CNNM2: variants seen among roughly 807,000 people sequenced by gnomAD.
The protein encoded by CNNM2 is metal transporter CNNM2.
Under a neutral mutation model 66.9 loss-of-function variants are expected in CNNM2, and 12 were observed. That is an observed-to-expected ratio of 0.18 (90% confidence interval 0.11 to 0.29). CNNM2 has a LOEUF of 0.29. Ranked by LOEUF, CNNM2 falls within the 10% of genes least tolerant of loss-of-function variation. The pLI is 1.00. For synonymous variants in CNNM2, 557 were observed against 501.8 expected (o/e 1.11, Z -1.47); for missense variants, 705 against 1,167.7 (o/e 0.60, Z 5.77).
intron 6 of CNNM2, among the ~76,000 whole-genome samples, chr10:103,072,895 G>A (rs1009261447): frequency 1.3e-5 from 2 of 152,208 alleles, no homozygotes; most frequent in African/African-American, 4.8e-5. Context: ...GACTAGGGCC[G>A]CCCCAGAATT....
intron 1 of CNNM2, among the ~76,000 whole-genome samples, chr10:102,946,606 C>T (rs966876690): frequency 1.3e-5 from 2 of 152,084 alleles, no homozygotes; most frequent in African/African-American, 2.4e-5. Context: ...TGTGCAACTC[C>T]TTTGAGCCCA....
intron 1 of CNNM2, among the ~76,000 whole-genome samples, chr10:103,021,820 T>C (rs1480031773): frequency 6.6e-6 from 1 of 152,184 alleles, no homozygotes; most frequent in Non-Finnish European, 1.5e-5. Flanking sequence ...TTCTAGCAAA[T>C]TTTTGAGAAA....
intron 1 of CNNM2, among the ~76,000 whole-genome samples, chr10:102,989,100 C>A (rs1429393503): frequency 6.6e-6 from 1 of 152,156 alleles, no homozygotes; most frequent in Non-Finnish European, 1.5e-5. Flanking sequence ...GATTACAATT[C>A]TAAATATTTA....
chr10:103,036,841 AG>A, intron 1 of CNNM2, among the ~76,000 whole-genome samples: 1 of 152,344 alleles, frequency 6.6e-6, no homozygotes, highest in Admixed American at 6.5e-5. Context: ...TAGAAAACTA[AG>A]GCCTTATTTT....
intron 1 of CNNM2, among the ~76,000 whole-genome samples, chr10:102,920,676 G>A (rs1845596227): frequency 6.8e-6 from 1 of 146,764 alleles, no homozygotes; most frequent in Non-Finnish European, 1.5e-5. Context: ...TTGAGGGTAA[G>A]GGGTGGGGTA....
At chr10:103,071,485 A>G (rs1375564037) in intron 5 of CNNM2, among the ~76,000 whole-genome samples, 1 of 152,184 alleles carries the variant, frequency 6.6e-6, no homozygotes, top group Admixed American at 6.5e-5. Flanking sequence ...CCTTAAGAGT[A>G]GCAGGTTTCG....
chr10:103,076,045 C>A, intron 6 of CNNM2, 41 bp from the exon 7 acceptor site: 1 of 1,544,662 alleles, frequency 6.5e-7, no homozygotes, highest in Non-Finnish European at 8.8e-7. Flanking sequence ...TTGGCTGTAT[C>A]TACTTCACTT....
At chr10:102,927,504 A>G (rs1845912120) in intron 1 of CNNM2, 9 of 1,558,050 alleles carry the variant, frequency 5.8e-6, no homozygotes, top group Non-Finnish European at 7.8e-6. Context: ...TCATGCCTGT[A>G]ATCCCGGCAC....
chr10:103,070,411 C>A (rs1199399974), intron 5 of CNNM2, among the ~76,000 whole-genome samples: 1 of 152,176 alleles, frequency 6.6e-6, no homozygotes, highest in East Asian at 1.9e-4. Flanking sequence ...GATCCTCACA[C>A]AAGTGCTTCG....
intron 1 of CNNM2, among the ~76,000 whole-genome samples, chr10:103,038,586 C>A (rs529658191): frequency 6.6e-6 from 1 of 152,206 alleles, no homozygotes; most frequent in Admixed American, 6.5e-5. Context: ...AAATAAACCT[C>A]TACCCTCACC....
At chr10:103,009,390 T>C (rs2064292964) in intron 1 of CNNM2, among the ~76,000 whole-genome samples, 1 of 152,196 alleles carries the variant, frequency 6.6e-6, no homozygotes, top group African/African-American at 2.4e-5. Context: ...AGAAAAATTT[T>C]GCTCAATAAC....
chr10:103,005,012 A>T (rs1291480653), intron 1 of CNNM2, among the ~76,000 whole-genome samples: 10 of 152,076 alleles, frequency 6.6e-5, no homozygotes, highest in Non-Finnish European at 1.2e-4. Context: ...CTCCAGGTTA[A>T]AGTGATTCTC....
At chr10:103,055,581 C>CT (rs1158363011) in intron 3 of CNNM2, among the ~76,000 whole-genome samples, 1 of 152,188 alleles carries the variant, frequency 6.6e-6, no homozygotes, top group Non-Finnish European at 1.5e-5. Context: ...GAATGGTAAT[C>CT]TGAGTGGTTG....
Position 103,088,630 on chromosome 10 carries a change from G to A in CNNM2, c.*11450G>A, listed in dbSNP as rs757595265. 2.6e-4 allele frequency: 43 copies of A among 165,976 alleles called. No homozygotes were observed. Among genetic ancestry groups the A allele is most frequent in the Non-Finnish European group, 3.9e-4 (30 of 76,074 alleles). 10.3% of individuals were successfully genotyped at this position (165,976 alleles called of 1,614,324 possible). On this transcript the variant is annotated 3_prime_UTR_variant, in exon 8 of 8. Transcript: ENST00000369878. The stretch of plus-strand genomic sequence containing the variant: ...TCGAACTCCCGACCTCAGGTGATCC[G>A]CCTGTCTCGGCCTCCCAAAGTGCTG...
intron 1 of CNNM2, among the ~76,000 whole-genome samples, chr10:103,001,077 C>T (rs752166565): frequency 5.3e-5 from 8 of 152,084 alleles, no homozygotes; most frequent in Middle Eastern, 3.4e-3. Context: ...TGAAATAAGC[C>T]GGTCACAAAA....
At chr10:103,032,561 T>C (rs948583715) in intron 1 of CNNM2, among the ~76,000 whole-genome samples, 22 of 152,112 alleles carry the variant, frequency 1.4e-4, no homozygotes, top group African/African-American at 5.3e-4. Flanking sequence ...TATATAATTA[T>C]GATTAATGCA....
Position 103,084,936 on chromosome 10 carries a change from G to A in CNNM2, c.*7756G>A, listed in dbSNP as rs555010597. On this transcript the variant is annotated 3_prime_UTR_variant, in exon 8 of 8. Transcript: ENST00000369878. ...AAGCCAAAAAGTTGAATTCTATTAG[G>A]TGGATAATAAACTCTTTTGCTTTCT... 1 of 152,116 alleles carries A rather than the reference G, an allele frequency of 6.6e-6. No homozygotes were observed. The highest frequency in any genetic ancestry group is 1.5e-5 in the Non-Finnish European group (1 of 68,030). The allele number at this position is 152,116 out of a possible 1,614,324, so 9.4% of individuals were successfully genotyped here.
intron 1 of CNNM2, among the ~76,000 whole-genome samples, chr10:102,951,823 A>G (rs1346566085): frequency 6.7e-6 from 1 of 149,212 alleles, no homozygotes; most frequent in Non-Finnish European, 1.5e-5. Context: ...TTTTTTTGAG[A>G]CAGGAATTTC....
At chr10:103,028,511 G>A (rs1295106936) in intron 1 of CNNM2, among the ~76,000 whole-genome samples, 1 of 152,126 alleles carries the variant, frequency 6.6e-6, no homozygotes, top group Non-Finnish European at 1.5e-5. Flanking sequence ...AAACTCTATT[G>A]TAACCTTTCT....
Sources: allele counts gnomAD v4.1 joint callset (sites outside exome capture counted in the v4.1 genomes callset), GRCh38; gene constraint gnomAD v4.1.1; transcripts MANE v1.5; gene names NCBI Gene and HGNC (gene_info 2026-07-23, HGNC 2026-07-21).